CRNKL1: variants seen among roughly 807,000 people sequenced by gnomAD.
CRNKL1 encodes the protein crooked neck pre-mRNA splicing factor 1.
In CRNKL1, 35 loss-of-function variants were observed where a neutral mutation model predicts 103.7. That is an observed-to-expected ratio of 0.34 (90% CI 0.26 to 0.45). The LOEUF is 0.45. CRNKL1 is among the 20% of genes least tolerant of loss of function. CRNKL1 has a pLI of 1.00. For synonymous variants in CRNKL1, 267 were observed against 282.6 expected (o/e 0.94, Z 0.55); for missense variants, 645 against 836.0 (o/e 0.77, Z 2.82).
intron 8 of CRNKL1, among the ~76,000 whole-genome samples, 200 bp downstream of exon 8, chr20:20,042,125 C>G (rs2043523349): frequency 6.6e-6 from 1 of 152,104 alleles, no homozygotes; most frequent in Non-Finnish European, 1.5e-5. Context: ...TTAAAAAAGC[C>G]CCTCACGTGT....
intron 1 of CRNKL1, 141 bp downstream of exon 1, chr20:20,052,151 C>A (rs772897472): frequency 7.8e-6 from 6 of 767,906 alleles, no homozygotes; most frequent in Non-Finnish European, 1.2e-5. Flanking sequence ...CCGCGCCCCA[C>A]CACCAGCTGC....
chr20:20,036,023 C>T lies in CRNKL1; in HGVS notation c.*172G>A, dbSNP rs942122523. On this transcript the variant is annotated 3_prime_UTR_variant, in exon 14 of 14. Coordinates refer to ENST00000536226, the MANE Select transcript of CRNKL1 (RefSeq NM_001278628.2). The stretch of plus-strand genomic sequence containing the variant: ...AGCAGTTAAAAAAGTCCTTTACTTG[C>T]AATCCCTACCCCTAGCTAACCCAAG... 3.1e-6 allele frequency: 2 copies of T among 653,428 alleles called. No homozygotes were observed. The highest frequency in any genetic ancestry group is 4.9e-6 in the Non-Finnish European group (2 of 409,818). 40.5% of individuals were successfully genotyped at this position (653,428 alleles called of 1,614,324 possible). A position where few individuals can be genotyped will look rare whatever the true frequency, so the allele number is the denominator to read the frequency against.
chr20:20,044,493 T>C (rs1387793073), intron 6 of CRNKL1, among the ~76,000 whole-genome samples: 1 of 152,212 alleles, frequency 6.6e-6, no homozygotes, highest in Non-Finnish European at 1.5e-5. Flanking sequence ...AAGTCTGAAA[T>C]GTTCCAATGA....
At chr20:20,039,983 T>A in intron 10 of CRNKL1, 135 bp from the exon 11 acceptor site, 1 of 873,838 alleles carries the variant, frequency 1.1e-6, no homozygotes, top group Non-Finnish European at 1.7e-6. Flanking sequence ...TCTTTCCCTC[T>A]GTGGTATCAC....
At chr20:20,054,515 A>C (rs1460484305), upstream of CRNKL1, among the ~76,000 whole-genome samples, 1 of 152,214 alleles carries the variant, frequency 6.6e-6, no homozygotes, top group Non-Finnish European at 1.5e-5. Flanking sequence ...TGGCACATGA[A>C]AATTATACAT....
At chr20:20,037,251 T>A (rs2043434453) in intron 13 of CRNKL1, 72 bp downstream of exon 13, 1 of 1,533,954 alleles carries the variant, frequency 6.5e-7, no homozygotes, top group Admixed American at 2.0e-5. Flanking sequence ...CACTTAAAAG[T>A]CCACATTTCG....
chr20:20,040,269 G>A lies in CRNKL1; in HGVS notation c.1305+417C>T, dbSNP rs371491381. Among the ~76,000 whole-genome samples the A allele has an allele frequency of 4.7e-5, 7 of 149,004 alleles. No homozygotes were observed. The East Asian group carries it at 9.9e-4, about 21-fold the overall frequency. Reference sequence around the variant, plus strand: ...AGAGGTTGCAGTGAGCCAAGATCGCGCTACTGCATTCCAGCTTGGGGAACA... The same window carrying A: ...AGAGGTTGCAGTGAGCCAAGATCGCACTACTGCATTCCAGCTTGGGGAACA... On this transcript the variant is annotated intron_variant, in intron 10 of 13. Coordinates refer to ENST00000536226, the MANE Select transcript of CRNKL1 (RefSeq NM_001278628.2).
At chr20:20,048,219 G>T in intron 4 of CRNKL1, 124 bp downstream of exon 4, 2 of 1,138,130 alleles carry the variant, frequency 1.8e-6, no homozygotes, top group Non-Finnish European at 1.3e-6. Context: ...GGACATAACA[G>T]CATTTATGTC....
intron 12 of CRNKL1, 97 bp downstream of exon 12, chr20:20,038,252 A>AAC: frequency 2.7e-6 from 2 of 746,432 alleles, no homozygotes; most frequent in Non-Finnish European, 2.1e-6. Flanking sequence ...AAAAAAAAAA[A>AAC]AACAAAAACC....
intron 7 of CRNKL1, among the ~76,000 whole-genome samples, chr20:20,043,191 C>T (rs2043542735): frequency 6.6e-6 from 1 of 152,202 alleles, no homozygotes. Flanking sequence ...CCACCTTCTT[C>T]CAACAATGAG....
chr20:20,040,511 G>A (rs903180979), intron 10 of CRNKL1, among the ~76,000 whole-genome samples, 175 bp downstream of exon 10: 2 of 152,078 alleles, frequency 1.3e-5, no homozygotes, highest in Admixed American at 6.5e-5. Flanking sequence ...AATAATTTAC[G>A]CATTATTAGT....
upstream of CRNKL1, among the ~76,000 whole-genome samples, chr20:20,054,396 GATATAT>G (rs34409266): frequency 7.1e-6 from 1 of 140,254 alleles, no homozygotes; most frequent in Non-Finnish European, 1.6e-5. Context: ...ATGAGCTAGG[GATATAT>G]ATATATATAT....
In CRNKL1 at chr20:20,048,504, TAAGAA is replaced by T. The variant is rs1568763853; in HGVS notation, c.297-8_297-4del. On this transcript the variant is annotated splice_polypyrimidine_tract_variant and splice_region_variant and intron_variant, in intron 3 of 13. Coordinates refer to ENST00000536226, the MANE Select transcript of CRNKL1 (RefSeq NM_001278628.2). ...CACGCTCGTATATGGATCGAGCCCTTAAGAAGCAAGATTTGCAGGGCATCAAAAAT... is the reference window on the plus strand; with the variant it reads ...CACGCTCGTATATGGATCGAGCCCTTGCAAGATTTGCAGGGCATCAAAAAT... 1 of 1,613,650 alleles carries T rather than the reference TAAGAA, an allele frequency of 6.2e-7. No individual in the cohort carries two copies. The highest frequency in any genetic ancestry group is 8.5e-7 in the Non-Finnish European group (1 of 1,179,578).
chr20:20,048,287 A>G, intron 4 of CRNKL1, 56 bp downstream of exon 4: 1 of 1,566,458 alleles, frequency 6.4e-7, no homozygotes, highest in Non-Finnish European at 8.8e-7. Flanking sequence ...ATAAATACAG[A>G]AGATGTGGAA....
Position 20,035,918 on chromosome 20 carries a change from A to G in CRNKL1, c.*277T>C, listed in dbSNP as rs192046680. 2.2e-3 allele frequency: 708 copies of G among 327,728 alleles called. 5 individuals are homozygous for G. Among genetic ancestry groups the G allele is most frequent in the Non-Finnish European group, 3.4e-3 (609 of 179,166 alleles). The allele number at this position is 327,728 out of a possible 1,614,324, so 20.3% of individuals were successfully genotyped here. On this transcript the variant is annotated 3_prime_UTR_variant, in exon 14 of 14. Coordinates refer to ENST00000536226, the MANE Select transcript of CRNKL1 (RefSeq NM_001278628.2). ...GTATGACATGAAAAGTAACTGTAGAATGTTACCTTAATTACATTTCCTAAT... is the reference window on the plus strand; with the variant it reads ...GTATGACATGAAAAGTAACTGTAGAGTGTTACCTTAATTACATTTCCTAAT...
intron 5 of CRNKL1, among the ~76,000 whole-genome samples, chr20:20,046,557 T>C (rs888947317): frequency 1.3e-5 from 2 of 152,240 alleles, no homozygotes; most frequent in Non-Finnish European, 2.9e-5. Flanking sequence ...AGGAGAAACG[T>C]GTATATATAC....
At chr20:20,054,191 G>A (rs960478052), upstream of CRNKL1, among the ~76,000 whole-genome samples, 1 of 151,450 alleles carries the variant, frequency 6.6e-6, no homozygotes, top group African/African-American at 2.4e-5. Flanking sequence ...CTTTCTACAA[G>A]ATTCTTTGAA....
chr20:20,045,004 G>A (rs1218499453), intron 6 of CRNKL1, among the ~76,000 whole-genome samples: 1 of 152,052 alleles, frequency 6.6e-6, no homozygotes, highest in Non-Finnish European at 1.5e-5. Flanking sequence ...ATTTATTATC[G>A]GTTAAGTCCT....
chr20:20,045,863 T>C (rs1403785353), intron 5 of CRNKL1, among the ~76,000 whole-genome samples: 1 of 152,248 alleles, frequency 6.6e-6, no homozygotes, highest in Non-Finnish European at 1.5e-5. Context: ...ACTGGATTAC[T>C]GCCAGCTTTA....
Sources: gnomAD v4.1 joint callset for allele counts (sites outside exome capture counted in the v4.1 genomes callset) on GRCh38, gnomAD v4.1.1 for gene constraint, MANE v1.5 for transcripts, NCBI Gene and HGNC (gene_info 2026-07-23, HGNC 2026-07-21) for gene names.